The following RBM45 variants were observed in gnomAD, a reference collection of about 807,000 sequenced individuals.
RBM45 encodes the protein RNA-binding protein 45.
Under a neutral mutation model 58.5 loss-of-function variants are expected in RBM45, and 39 were observed. The ratio of observed to expected loss-of-function variants is 0.67; its 90% CI spans 0.52 to 0.87. The LOEUF (loss-of-function observed/expected upper bound fraction) is 0.87. RBM45 is among the 40% of genes least tolerant of loss of function. The pLI is 0.00. For missense variants in RBM45, 481 were observed against 581.6 expected, an observed-to-expected ratio of 0.83 and a Z score of 1.78; for synonymous variants, 193 against 203.0, an observed-to-expected ratio of 0.95 and a Z score of 0.42.
exon 4 of RBM45, chr2:178,136,922 A>T (rs2088049998): frequency 6.6e-6 from 1 of 152,230 alleles, no homozygotes; most frequent in Admixed American, 6.5e-5. Flanking sequence ...TCATTGTGAA[A>T]TAAGTAACTA....
chr2:178,122,028 A>G (rs965340143), intron 5 of RBM45, among the ~76,000 whole-genome samples: 3 of 152,196 alleles, frequency 2.0e-5, no homozygotes, highest in Non-Finnish European at 4.4e-5. Flanking sequence ...TCCATTTTGC[A>G]TAGAATCGGG....
downstream of RBM45, among the ~76,000 whole-genome samples, chr2:178,130,938 G>A (rs1358610038): frequency 1.3e-5 from 2 of 152,182 alleles, no homozygotes; most frequent in South Asian, 4.1e-4. Flanking sequence ...GTGAGGCAGA[G>A]GATGTATTTT....
Position 178,112,852 on chromosome 2 carries a change from G to A in RBM45, c.300+6G>A, listed in dbSNP as rs1160806431. The A allele has an allele frequency of 1.3e-6, 2 of 1,599,852 alleles. No individual in the cohort carries two copies. Among genetic ancestry groups the A allele is most frequent in the South Asian group, 1.1e-5 (1 of 90,838 alleles). On this transcript the variant is annotated splice_donor_region_variant and intron_variant, in intron 1 of 9. Coordinates refer to ENST00000286070, the MANE Select transcript of RBM45 (RefSeq NM_152945.4). ...ACGACACCAAGCCCATCAAGGTGCG[G>A]GTGCCCGGGTCGGGGTGCCCTCGGG... is the stretch of plus-strand genomic sequence containing the variant.
chr2:178,128,527 G>A (rs2087965156), intron 9 of RBM45, among the ~76,000 whole-genome samples: 1 of 152,172 alleles, frequency 6.6e-6, no homozygotes, highest in African/African-American at 2.4e-5. Context: ...GGTACTGTGA[G>A]AACTAAGCTT....
At position 178,118,188 on chromosome 2, in the gene RBM45, A is replaced by T. The variant is rs2087803354; in HGVS notation, c.550+7A>T. 3 of 1,606,984 alleles carry T rather than the reference A, an allele frequency of 1.9e-6. No individual in the cohort carries two copies. Among genetic ancestry groups the T allele is most frequent in the Non-Finnish European group, 2.5e-6 (3 of 1,177,376 alleles). ...ATAGAAAACTGTGATCGAAGTAAGG[A>T]TGTGTTTAACATTGTTAAAAACTTT... On this transcript the variant is annotated splice_region_variant and intron_variant, in intron 3 of 9. Transcript: ENST00000286070.
At chr2:178,112,957 A>C in intron 1 of RBM45, 111 bp downstream of exon 1, 3 of 1,173,078 alleles carry the variant, frequency 2.6e-6, no homozygotes, top group Non-Finnish European at 3.6e-6. Flanking sequence ...CGTTCCCGGC[A>C]GCTGACCAGA....
chr2:178,112,903 C>A, intron 1 of RBM45, 57 bp downstream of exon 1: 1 of 1,532,694 alleles, frequency 6.5e-7, no homozygotes, highest in Non-Finnish European at 8.9e-7. Context: ...CTTGGACCTC[C>A]CTTCACCTGC....
chr2:178,114,905 G>C (rs946956722), intron 1 of RBM45, among the ~76,000 whole-genome samples: 3 of 152,140 alleles, frequency 2.0e-5, no homozygotes, highest in Admixed American at 6.5e-5. Flanking sequence ...TCATTCAGCA[G>C]CTGCAGCTTG....
At chr2:178,117,083 TTTGAA>T (rs1413745562) in intron 2 of RBM45, among the ~76,000 whole-genome samples, 1 of 152,158 alleles carries the variant, frequency 6.6e-6, no homozygotes, top group African/African-American at 2.4e-5. Context: ...TTTTAATTGT[TTTGAA>T]TTGTAGTTTT....
chr2:178,132,738 G>A (rs2088014831), downstream of RBM45, among the ~76,000 whole-genome samples: 1 of 152,134 alleles, frequency 6.6e-6, no homozygotes, highest in South Asian at 2.1e-4. Context: ...TTACAGGCAC[G>A]TGCCACCACA....
downstream of RBM45, among the ~76,000 whole-genome samples, chr2:178,130,643 TA>T (rs2087996276): frequency 6.6e-6 from 1 of 152,170 alleles, no homozygotes; most frequent in African/African-American, 2.4e-5. Context: ...AAAAAAGGTA[TA>T]TCTAAATCAA....
intron 2 of RBM45, among the ~76,000 whole-genome samples, chr2:178,117,683 T>C (rs891049416): frequency 1.3e-5 from 2 of 152,212 alleles, no homozygotes; most frequent in African/African-American, 4.8e-5. Context: ...GCCTCTTTAA[T>C]AAAGAGGTAG....
intron 5 of RBM45, 80 bp downstream of exon 5, chr2:178,121,439 CA>C: frequency 1.7e-6 from 1 of 572,404 alleles, no homozygotes; most frequent in Non-Finnish European, 2.5e-6. Context: ...CACACACACA[CA>C]CACAGAGTTT....
rs2087894054 is a variant in RBM45 at position 178,124,118 on chromosome 2, T to C, written c.1069-9T>C. ...TTTTTTCTTTTTCTTGTTTTCTACC[T>C]GTTAACAGCAATTTGGAGGAAGCTC... On this transcript the variant is annotated splice_polypyrimidine_tract_variant and intron_variant, in intron 7 of 9. Coordinates refer to ENST00000286070, the MANE Select transcript of RBM45 (RefSeq NM_152945.4). 6.3e-7 allele frequency: 1 copy of C among 1,579,430 alleles called. No homozygotes were observed.
intron 9 of RBM45, among the ~76,000 whole-genome samples, chr2:178,127,675 T>A (rs1166685375): frequency 6.6e-6 from 1 of 152,228 alleles, no homozygotes. Flanking sequence ...GGAAAAGAAT[T>A]AGCAAGCATT....
exon 4 of RBM45, chr2:178,138,235 G>A (rs1466890195): frequency 6.6e-6 from 1 of 152,064 alleles, no homozygotes; most frequent in Non-Finnish European, 1.5e-5. Context: ...TATATATTGT[G>A]CTTTAAAAGC....
Position 178,112,808 on chromosome 2 carries a change from GGCCAGT to G in RBM45, c.266_271del (p.Gln89_Cys90del). On this transcript the variant is annotated inframe_deletion, in exon 1 of 10. Transcript: ENST00000286070. ...CTGCAGGGCCATGGAGGAGATGCATGGCCAGTGCCTCGGCCCCAACGACACCAAGCC... is the reference window on the plus strand; with the variant it reads ...CTGCAGGGCCATGGAGGAGATGCATGGCCTCGGCCCCAACGACACCAAGCC... 1 of 1,612,650 alleles carries G rather than the reference GGCCAGT, an allele frequency of 6.2e-7. No homozygotes were observed. The highest frequency in any genetic ancestry group is 8.5e-7 in the Non-Finnish European group (1 of 1,178,962).
Position 178,123,912 on chromosome 2 carries a change from G to T in RBM45, c.1068G>T (p.Met356Ile). 4 of 1,610,840 alleles carry T rather than the reference G, an allele frequency of 2.5e-6. No homozygotes were observed. Among genetic ancestry groups the T allele is most frequent in the Non-Finnish European group, 3.4e-6 (4 of 1,177,236 alleles). Residue 356 changes from methionine (M) to isoleucine (I), a missense_variant and splice_region_variant, in exon 7 of 10, where the codon ATG (methionine) becomes ATT (isoleucine). Transcript: ENST00000286070. ...VWNNPSQQQF[M>I]QFGGSSGSQL... ...ATAACCCAAGTCAGCAACAATTTAT[G>T]GTAAGTAGGTAAGAATTTAACCTTT...
Position 178,120,385 on chromosome 2 carries a change from C to T in RBM45, c.649C>T (p.Pro217Ser), listed in dbSNP as rs1489513336. 1.2e-6 allele frequency: 2 copies of T among 1,612,366 alleles called. No homozygotes were observed. Among genetic ancestry groups the T allele is most frequent in the East Asian group, 2.2e-5 (1 of 44,772 alleles). Residue 217 changes from proline to serine, a missense_variant, in exon 4 of 10, where the codon CCT becomes TCT. Physicochemically the swap from Pro to Ser is moderately conservative, Grantham distance 74. Transcript: ENST00000286070. ...NMRQEALGHEPRVNMFPFEQQ... is the reference protein window; with the variant it reads ...NMRQEALGHESRVNMFPFEQQ... ...GAGGCAAGAAGCTTTGGGACATGAA[C>T]CTAGAGTAAATATGTTTCCATTTGG...
Sources: allele counts gnomAD v4.1 joint callset (sites outside exome capture counted in the v4.1 genomes callset), GRCh38; gene constraint gnomAD v4.1.1; transcripts MANE v1.5; gene names NCBI Gene and HGNC (gene_info 2026-07-23, HGNC 2026-07-21).